Variants in FAM13C observed in about 807,000 individuals in gnomAD.
FAM13C encodes protein FAM13C.
A neutral mutation model predicts 73.2 loss-of-function variants in FAM13C; 37 were observed. The ratio of observed to expected loss-of-function variants is 0.51; its 90% CI spans 0.39 to 0.67. FAM13C has a LOEUF of 0.67. Among genes scored for constraint, FAM13C ranks in the 30% least tolerant of loss-of-function variants. The pLI is 0.00. For missense variants in FAM13C, 589 were observed against 715.6 expected, an observed-to-expected ratio of 0.82 and a Z score of 2.02; for synonymous variants, 246 against 260.9, an observed-to-expected ratio of 0.94 and a Z score of 0.55.
chr10:59,317,065 A>G (rs1849614541), intron 4 of FAM13C, among the ~76,000 whole-genome samples: 1 of 152,078 alleles, frequency 6.6e-6, no homozygotes, highest in Non-Finnish European at 1.5e-5. Context: ...ATAATATAAG[A>G]AAAAATACAT....
intron 3 of FAM13C, among the ~76,000 whole-genome samples, chr10:59,326,975 G>T (rs893016429): frequency 2.0e-5 from 3 of 152,106 alleles, no homozygotes; most frequent in African/African-American, 7.2e-5. Context: ...AACCATCATT[G>T]GTTTGATTAC....
intron 5 of FAM13C, among the ~76,000 whole-genome samples, chr10:59,301,823 G>C (rs1473453836): frequency 6.6e-6 from 1 of 152,092 alleles, no homozygotes; most frequent in Admixed American, 6.5e-5. Flanking sequence ...CTTATCTTTA[G>C]GACACTTTTT....
intron 4 of FAM13C, among the ~76,000 whole-genome samples, chr10:59,303,563 T>A (rs1182415207): frequency 6.6e-6 from 1 of 152,214 alleles, no homozygotes; most frequent in Non-Finnish European, 1.5e-5. Flanking sequence ...ATCTCTTAAC[T>A]TACACAATAA....
intron 4 of FAM13C, among the ~76,000 whole-genome samples, chr10:59,322,907 G>A (rs1850516801): frequency 6.6e-6 from 1 of 152,174 alleles, no homozygotes; most frequent in Admixed American, 6.5e-5. Flanking sequence ...TCAGGTAAGA[G>A]TAAACACATA....
chr10:59,360,899 C>A, intron 1 of FAM13C: 1 of 388,864 alleles, frequency 2.6e-6, no homozygotes, highest in South Asian at 1.9e-5. Context: ...AAATCTGGAG[C>A]TAAGTGTCTC....
At chr10:59,287,714 T>G (rs924720263) in intron 5 of FAM13C, among the ~76,000 whole-genome samples, 5 of 152,188 alleles carry the variant, frequency 3.3e-5, no homozygotes, top group Admixed American at 6.5e-5. Context: ...AGGGATGCTC[T>G]CAGAATTAAA....
chr10:59,321,371 G>A (rs1163525045), intron 4 of FAM13C, among the ~76,000 whole-genome samples: 1 of 149,760 alleles, frequency 6.7e-6, no homozygotes, highest in African/African-American at 2.5e-5. Context: ...ACTGGAAAAG[G>A]TATGGAAATG....
Position 59,321,431 on chromosome 10 carries a change from C to CTTTTTT in FAM13C, c.443+2556_443+2557insAAAAAA, listed in dbSNP as rs1850255076. Among the ~76,000 whole-genome samples the CTTTTTT allele has an allele frequency of 6.4e-5, 7 of 109,856 alleles. 2 individuals are homozygous for CTTTTTT. The highest frequency in any genetic ancestry group is 6.9e-5 in the African/African-American group (2 of 28,920). 72.1% of individuals were successfully genotyped at this position (109,856 alleles called of 152,430 possible). A position where few individuals can be genotyped will look rare whatever the true frequency, so the allele number is the denominator to read the frequency against. The stretch of plus-strand genomic sequence containing the variant: ...AGAAAGGAATGGAGCCCTGCCAACA[C>CTTTTTT]CTTTTTTTTTTTTTTTTTTTTTTTT... On this transcript the variant is annotated intron_variant, in intron 4 of 13. Transcript: ENST00000618804.
chr10:59,268,409 G>T, intron 8 of FAM13C, 144 bp downstream of exon 8: 1 of 913,436 alleles, frequency 1.1e-6, no homozygotes, highest in Non-Finnish European at 1.6e-6. Flanking sequence ...AGAAGATGAA[G>T]ACTCTATGAT....
intron 3 of FAM13C, among the ~76,000 whole-genome samples, chr10:59,346,308 T>G (rs1366119576): frequency 6.6e-6 from 1 of 152,150 alleles, no homozygotes; most frequent in Non-Finnish European, 1.5e-5. Context: ...TAGTAAATAT[T>G]TTATAGTTAG....
At chr10:59,316,556 G>A (rs575105789) in intron 4 of FAM13C, among the ~76,000 whole-genome samples, 34 of 152,224 alleles carry the variant, frequency 2.2e-4, no homozygotes, top group African/African-American at 7.7e-4. Flanking sequence ...ACCACAGAGT[G>A]TACTTACAGA....
upstream of FAM13C, chr10:59,362,552 G>A: frequency 6.4e-7 from 1 of 1,558,896 alleles, no homozygotes; most frequent in African/African-American, 1.4e-5. Flanking sequence ...AAGTCTCCGG[G>A]CTCGCCCGGC....
chr10:59,276,301 A>T (rs1844317860), intron 6 of FAM13C, among the ~76,000 whole-genome samples: 1 of 152,194 alleles, frequency 6.6e-6, no homozygotes, highest in Non-Finnish European at 1.5e-5. Context: ...TTATGATAGA[A>T]TACATATTCA....
intron 3 of FAM13C, among the ~76,000 whole-genome samples, chr10:59,326,942 A>T (rs1374779340): frequency 6.6e-6 from 1 of 152,224 alleles, no homozygotes; most frequent in South Asian, 2.1e-4. Flanking sequence ...CCTTTCCTGT[A>T]TTCTAAGATA....
chr10:59,265,337 A>AG (rs1183106199), intron 8 of FAM13C, among the ~76,000 whole-genome samples: 1 of 24,130 alleles, frequency 4.1e-5, no homozygotes, highest in Non-Finnish European at 7.9e-5. Context: ...GGGGGGGGGA[A>AG]TCCTGGTTTC....
At chr10:59,355,461 T>C (rs1172152642) in intron 2 of FAM13C, among the ~76,000 whole-genome samples, 1 of 152,142 alleles carries the variant, frequency 6.6e-6, no homozygotes, top group African/African-American at 2.4e-5. Flanking sequence ...AAAATGTAGA[T>C]GAAAGGGCTT....
chr10:59,343,272 A>G (rs143793019), intron 3 of FAM13C, among the ~76,000 whole-genome samples: 121 of 152,374 alleles, frequency 7.9e-4, no homozygotes, highest in African/African-American at 2.7e-3. Flanking sequence ...ACAAAACTTC[A>G]GTTCCTGTTC....
At chr10:59,338,736 A>G (rs1645475514) in intron 3 of FAM13C, among the ~76,000 whole-genome samples, 1 of 152,092 alleles carries the variant, frequency 6.6e-6, no homozygotes, top group Non-Finnish European at 1.5e-5. Context: ...ATATTGCCCT[A>G]TGCCCATATG....
chr10:59,253,225 C>CTA (rs1277126375), intron 11 of FAM13C, among the ~76,000 whole-genome samples: 3 of 152,176 alleles, frequency 2.0e-5, no homozygotes, highest in Non-Finnish European at 4.4e-5. Context: ...TGGGCTAAAA[C>CTA]ACTCACCAAG....
Sources: allele counts gnomAD v4.1 joint callset (sites outside exome capture counted in the v4.1 genomes callset), GRCh38; gene constraint gnomAD v4.1.1; transcripts MANE v1.5; gene names NCBI Gene and HGNC (gene_info 2026-07-23, HGNC 2026-07-21).